Variants in CFAP97D2 observed in about 807,000 individuals in gnomAD.
The protein encoded by CFAP97D2 is uncharacterized protein CFAP97D2.
At chr13:114,212,051 G>A (rs753998119) in exon 4 of CFAP97D2, 7 of 398,662 alleles carry the variant, frequency 1.8e-5, no homozygotes, top group Middle Eastern at 6.3e-4. Flanking sequence ...GAGAAGTCCC[G>A]GGTGCTGGTG....
chr13:114,209,191 G>A (rs1178425582), intron 3 of CFAP97D2, among the ~76,000 whole-genome samples: 1 of 152,212 alleles, frequency 6.6e-6, no homozygotes, highest in African/African-American at 2.4e-5. Context: ...ACAGGAGCTC[G>A]CTTGCCACTG....
intron 3 of CFAP97D2, among the ~76,000 whole-genome samples, chr13:114,206,641 TG>T (rs2080941691): frequency 6.6e-6 from 1 of 152,136 alleles, no homozygotes; most frequent in Admixed American, 6.5e-5. Context: ...AGTAGATCAG[TG>T]GTTGCTTAAG....
intron 1 of CFAP97D2, among the ~76,000 whole-genome samples, chr13:114,180,780 TTTC>T (rs1178930587): frequency 2.0e-4 from 30 of 152,186 alleles, no homozygotes; most frequent in African/African-American, 7.2e-4. Context: ...CCATGGGTGT[TTTC>T]TTGTTTGCTT....
intron 4 of CFAP97D2, among the ~76,000 whole-genome samples, chr13:114,217,132 G>A (rs111938008): frequency 0.065 from 9,914 of 152,076 alleles, 547 homozygotes; most frequent in African/African-American, 0.13. Context: ...ACTTTTTGAT[G>A]GGGTTGAATA....
chr13:114,196,570 G>A (rs1249603039), intron 2 of CFAP97D2, 94 bp downstream of exon 2: 7 of 397,242 alleles, frequency 1.8e-5, no homozygotes, highest in African/African-American at 1.4e-4. Flanking sequence ...GGTTAGTAAG[G>A]AATAAACTCA....
chr13:114,201,119 T>G (rs1429415208), intron 3 of CFAP97D2, among the ~76,000 whole-genome samples: 1 of 152,154 alleles, frequency 6.6e-6, no homozygotes, highest in Non-Finnish European at 1.5e-5. Flanking sequence ...TAAAATCACC[T>G]TATAAATGCT....
chr13:114,219,606 C>T (rs367767675), intron 4 of CFAP97D2, among the ~76,000 whole-genome samples: 3 of 152,210 alleles, frequency 2.0e-5, no homozygotes, highest in Admixed American at 6.5e-5. Flanking sequence ...AGTCACTGCA[C>T]TTTATTGAAG....
At chr13:114,182,099 T>G (rs1468509251) in intron 1 of CFAP97D2, among the ~76,000 whole-genome samples, 1 of 151,534 alleles carries the variant, frequency 6.6e-6, no homozygotes, top group African/African-American at 2.4e-5. Flanking sequence ...TATTGATTAT[T>G]ATTTTCATTA....
At chr13:114,201,392 T>A (rs2080917409) in intron 3 of CFAP97D2, among the ~76,000 whole-genome samples, 1 of 152,196 alleles carries the variant, frequency 6.6e-6, no homozygotes. Context: ...ATATAATTGA[T>A]CCTCAGGTAC....
chr13:114,201,509 G>A (rs535311324), intron 3 of CFAP97D2, among the ~76,000 whole-genome samples: 3 of 152,302 alleles, frequency 2.0e-5, no homozygotes, highest in African/African-American at 7.2e-5. Context: ...TGCTGGCTTT[G>A]TTCAAAGGCC....
chr13:114,219,604 C>T (rs764331602), intron 4 of CFAP97D2, among the ~76,000 whole-genome samples: 2 of 152,224 alleles, frequency 1.3e-5, no homozygotes, highest in Non-Finnish European at 2.9e-5. Flanking sequence ...CCAGTCACTG[C>T]ACTTTATTGA....
chr13:114,205,107 C>A (rs189739420), intron 3 of CFAP97D2, among the ~76,000 whole-genome samples: 1 of 152,118 alleles, frequency 6.6e-6, no homozygotes, highest in Non-Finnish European at 1.5e-5. Flanking sequence ...AAATGCAAAT[C>A]GAAACCACAA....
intron 2 of CFAP97D2, among the ~76,000 whole-genome samples, chr13:114,198,666 G>A (rs368873612): frequency 0.033 from 3,888 of 117,974 alleles, 238 homozygotes; most frequent in East Asian, 0.22. Context: ...TACGGTCCCC[G>A]CTGAGGCGTG....
chr13:114,192,791 G>T (rs2080874391), intron 1 of CFAP97D2, among the ~76,000 whole-genome samples: 1 of 152,178 alleles, frequency 6.6e-6, no homozygotes, highest in Admixed American at 6.5e-5. Flanking sequence ...TTCCATAGAT[G>T]CAAGGGTGAT....
intron 2 of CFAP97D2, among the ~76,000 whole-genome samples, chr13:114,198,939 G>C (rs1198897734): frequency 2.3e-5 from 1 of 43,460 alleles, no homozygotes; most frequent in Non-Finnish European, 3.6e-5. Flanking sequence ...TACGGTCCCC[G>C]CTGAGGTGTG....
intron 4 of CFAP97D2, among the ~76,000 whole-genome samples, chr13:114,221,715 A>T (rs530501464): frequency 6.6e-6 from 1 of 150,552 alleles, no homozygotes; most frequent in East Asian, 1.9e-4. Flanking sequence ...AAGTGTAATA[A>T]AAAAAAAAGG....
At chr13:114,182,346 T>C (rs555505373) in intron 1 of CFAP97D2, among the ~76,000 whole-genome samples, 7 of 151,838 alleles carry the variant, frequency 4.6e-5, no homozygotes, top group South Asian at 2.1e-4. Flanking sequence ...GTTTTTCTCC[T>C]ATCTCAGAAT....
At chr13:114,181,283 C>G (rs1015849733) in intron 1 of CFAP97D2, among the ~76,000 whole-genome samples, 6 of 152,180 alleles carry the variant, frequency 3.9e-5, no homozygotes, top group Non-Finnish European at 7.3e-5. Context: ...AAGAACAGGG[C>G]AACTGAAAGC....
intron 2 of CFAP97D2, among the ~76,000 whole-genome samples, chr13:114,197,439 A>G (rs2080893101): frequency 1.3e-5 from 2 of 152,086 alleles, no homozygotes; most frequent in Admixed American, 6.5e-5. Context: ...CCCACTTCCC[A>G]TCATGGCCTG....
Sources: allele counts gnomAD v4.1 joint callset (sites outside exome capture counted in the v4.1 genomes callset), GRCh38; gene constraint gnomAD v4.1.1; transcripts MANE v1.5; gene names NCBI Gene and HGNC (gene_info 2026-07-23, HGNC 2026-07-21).